Variants in LAMA2 observed in about 807,000 individuals in gnomAD.
The protein encoded by LAMA2 is laminin subunit alpha 2.
Under a neutral mutation model 364.8 loss-of-function variants are expected in LAMA2, and 269 were observed. That is an observed-to-expected ratio of 0.74 (90% CI 0.67 to 0.82). The LOEUF is 0.82. LAMA2 is among the 40% of genes least tolerant of loss of function. The pLI, the probability that LAMA2 is intolerant of heterozygous loss-of-function variation, is 0.00. For missense variants in LAMA2, 3,807 were observed against 3,873.2 expected (o/e 0.98, Z 0.45); for synonymous variants, 1,379 against 1,370.6 (o/e 1.01, Z -0.14).
At chr6:129,106,833 G>C (rs755510041) in intron 4 of LAMA2, among the ~76,000 whole-genome samples, 12 of 140,020 alleles carry the variant, frequency 8.6e-5, no homozygotes, top group Non-Finnish European at 1.2e-4. Flanking sequence ...TTTCTTTGTT[G>C]ATCAGTTACT....
At chr6:129,024,580 G>A (rs987700845) in intron 1 of LAMA2, among the ~76,000 whole-genome samples, 1 of 151,716 alleles carries the variant, frequency 6.6e-6, no homozygotes, top group African/African-American at 2.4e-5. Flanking sequence ...ATTTTTAGTA[G>A]AGACGGGACT....
intron 1 of LAMA2, among the ~76,000 whole-genome samples, chr6:128,998,351 T>A (rs979867727): frequency 2.6e-5 from 4 of 152,198 alleles, no homozygotes; most frequent in Non-Finnish European, 4.4e-5. Flanking sequence ...GAAGGTCTTA[T>A]AGAATATTGT....
chr6:129,234,927 T>C (rs1449177993), intron 12 of LAMA2, among the ~76,000 whole-genome samples: 2 of 152,194 alleles, frequency 1.3e-5, no homozygotes, highest in African/African-American at 4.8e-5. Context: ...GTCTATGTTT[T>C]TGAGTGAATG....
intron 1 of LAMA2, among the ~76,000 whole-genome samples, chr6:129,033,754 G>T (rs1188313267): frequency 6.6e-6 from 1 of 152,108 alleles, no homozygotes; most frequent in Non-Finnish European, 1.5e-5. Context: ...AGCAGATACT[G>T]AACATATGTT....
chr6:129,185,691 T>A (rs1199443807), intron 10 of LAMA2, among the ~76,000 whole-genome samples: 1 of 151,758 alleles, frequency 6.6e-6, no homozygotes, highest in Non-Finnish European at 1.5e-5. Flanking sequence ...AGGGACATGA[T>A]GATAAAAAAT....
chr6:128,918,353 TG>T (rs1778477721), intron 1 of LAMA2, among the ~76,000 whole-genome samples: 1 of 152,184 alleles, frequency 6.6e-6, no homozygotes, highest in Non-Finnish European at 1.5e-5. Flanking sequence ...TATATATATT[TG>T]CATGCCATTC....
At chr6:129,464,228 C>A in intron 49 of LAMA2, 62 bp from the exon 50 acceptor site, 1 of 1,370,094 alleles carries the variant, frequency 7.3e-7, no homozygotes, top group Non-Finnish European at 1.0e-6. Context: ...TTCAGTGATG[C>A]ATTGAATAAT....
In LAMA2 at chr6:129,039,737, T is replaced by C. The variant is rs559768173; in HGVS notation, c.113-10181T>C. On this transcript the variant is annotated intron_variant, in intron 1 of 64. Coordinates refer to ENST00000421865, the MANE Select transcript of LAMA2 (RefSeq NM_000426.4). ...CAGATCATCAGCCATTAGATTCTTATAAGTAGCTCACAACCTAGATCCCTC... is the reference window on the plus strand; with the variant it reads ...CAGATCATCAGCCATTAGATTCTTACAAGTAGCTCACAACCTAGATCCCTC... 1.2e-3 allele frequency among the ~76,000 whole-genome samples: 185 copies of C among 152,290 alleles called. 1 individual carries two copies. The highest frequency in any genetic ancestry group is 4.1e-3 in the African/African-American group (169 of 41,570).
intron 14 of LAMA2, among the ~76,000 whole-genome samples, chr6:129,259,512 T>A (rs1346549942): frequency 6.6e-6 from 1 of 152,152 alleles, no homozygotes; most frequent in Non-Finnish European, 1.5e-5. Flanking sequence ...AGTCATTTAA[T>A]TATGTGCTCT....
chr6:128,985,151 ATGGGTCTCTC>A (rs1368324929), intron 1 of LAMA2, among the ~76,000 whole-genome samples: 14 of 152,234 alleles, frequency 9.2e-5, no homozygotes, highest in African/African-American at 2.4e-4. Context: ...TGAATGTGGA[ATGGGTCTCTC>A]TGAAGAAAAG....
intron 1 of LAMA2, among the ~76,000 whole-genome samples, chr6:128,955,624 A>T (rs936593186): frequency 6.6e-6 from 1 of 151,922 alleles, no homozygotes; most frequent in African/African-American, 2.4e-5. Context: ...CATTGCAGTT[A>T]TGGGCGTTTG....
chr6:129,129,274 C>A (rs1373379131), intron 4 of LAMA2, among the ~76,000 whole-genome samples: 2 of 152,102 alleles, frequency 1.3e-5, no homozygotes, highest in African/African-American at 4.8e-5. Context: ...AAACAGAGCA[C>A]CCCAAAATAA....
Position 129,454,138 on chromosome 6 carries a change from G to C in LAMA2, c.6574-17G>C. On this transcript the variant is annotated splice_polypyrimidine_tract_variant and intron_variant, in intron 46 of 64. Transcript: ENST00000421865. ...TTTATATCTGATATCTCTTGTTTTT[G>C]TATTTCTCTGAACTAGATTGACTTT... The C allele has an allele frequency of 6.2e-7, 1 of 1,609,518 alleles. No individual in the cohort carries two copies. The highest frequency in any genetic ancestry group is 8.5e-7 in the Non-Finnish European group (1 of 1,176,346).
At chr6:129,355,367 T>C (rs937748285) in intron 32 of LAMA2, among the ~76,000 whole-genome samples, 1 of 152,222 alleles carries the variant, frequency 6.6e-6, no homozygotes, top group Non-Finnish European at 1.5e-5. Context: ...CATGATTCTA[T>C]GATCTTGGCC....
At chr6:129,494,664 G>C (rs780053714) in intron 58 of LAMA2, among the ~76,000 whole-genome samples, 2 of 152,170 alleles carry the variant, frequency 1.3e-5, no homozygotes, top group Non-Finnish European at 2.9e-5. Flanking sequence ...CAGCTAGCAA[G>C]TGGAAAGCTG....
At chr6:128,896,697 A>AT (rs1776796795) in intron 1 of LAMA2, among the ~76,000 whole-genome samples, 1 of 152,282 alleles carries the variant, frequency 6.6e-6, no homozygotes, top group Non-Finnish European at 1.5e-5. Flanking sequence ...TTTTAGAAAC[A>AT]TTTTTTAGAA....
chr6:128,952,156 G>C (rs1482281166), intron 1 of LAMA2, among the ~76,000 whole-genome samples: 1 of 152,042 alleles, frequency 6.6e-6, no homozygotes, highest in Admixed American at 6.6e-5. Context: ...AATGGAGCAA[G>C]ACCCTGTCTT....
chr6:129,191,869 T>C (rs1056881427), intron 11 of LAMA2, among the ~76,000 whole-genome samples: 3 of 152,218 alleles, frequency 2.0e-5, no homozygotes, highest in Non-Finnish European at 2.9e-5. Context: ...AAGCCCTCAG[T>C]AATCAGTGTT....
chr6:129,490,714 G>C (rs1300239092), intron 56 of LAMA2: 2 of 152,086 alleles, frequency 1.3e-5, no homozygotes, highest in African/African-American at 4.8e-5. Context: ...GGAAACCACC[G>C]ACACTCTTAG....
Sources: gnomAD v4.1 joint callset for allele counts (sites outside exome capture counted in the v4.1 genomes callset) on GRCh38, gnomAD v4.1.1 for gene constraint, MANE v1.5 for transcripts, NCBI Gene and HGNC (gene_info 2026-07-23, HGNC 2026-07-21) for gene names.